Variants in BBS9 observed in about 807,000 individuals in gnomAD.
BBS9 encodes protein PTHB1.
Under a neutral mutation model 117.7 loss-of-function variants are expected in BBS9, and 89 were observed. That is an observed-to-expected ratio of 0.76 (90% CI 0.64 to 0.90). The LOEUF is 0.90. Ranked by LOEUF, BBS9 falls within the 40% of genes least tolerant of loss-of-function variation. The pLI, the probability that BBS9 is intolerant of heterozygous loss-of-function variation, is 0.00. For synonymous variants in BBS9, 379 were observed against 370.9 expected, an observed-to-expected ratio of 1.02 and a Z score of -0.25; for missense variants, 982 against 1,042.2, an observed-to-expected ratio of 0.94 and a Z score of 0.80.
intron 7 of BBS9, among the ~76,000 whole-genome samples, chr7:33,264,755 G>T (rs1422875069): frequency 6.6e-6 from 1 of 152,028 alleles, no homozygotes; most frequent in African/African-American, 2.4e-5. Context: ...CTTATCACTT[G>T]TTTGGAGCAA....
chr7:33,408,580 G>T (rs969081228), intron 19 of BBS9, among the ~76,000 whole-genome samples: 1 of 152,104 alleles, frequency 6.6e-6, no homozygotes, highest in Non-Finnish European at 1.5e-5. Context: ...GGCCATCTTG[G>T]CTCCTCCCAC....
intron 19 of BBS9, among the ~76,000 whole-genome samples, chr7:33,503,785 G>A (rs910954840): frequency 6.7e-6 from 1 of 149,470 alleles, no homozygotes; most frequent in Non-Finnish European, 1.5e-5. Context: ...ACAGGAGTCC[G>A]TTGTAATCAT....
chr7:33,427,023 GATTAC>G (rs1376529040), intron 19 of BBS9, among the ~76,000 whole-genome samples: 2 of 152,110 alleles, frequency 1.3e-5, no homozygotes, highest in Non-Finnish European at 2.9e-5. Flanking sequence ...GTTTAAGCAT[GATTAC>G]TGACCATTAT....
At chr7:33,559,758 G>A (rs575437197) in intron 21 of BBS9, among the ~76,000 whole-genome samples, 18 of 152,070 alleles carry the variant, frequency 1.2e-4, no homozygotes, top group Admixed American at 9.8e-4. Flanking sequence ...TATCTGCCAC[G>A]ACTCGTGAGT....
intron 9 of BBS9, among the ~76,000 whole-genome samples, chr7:33,302,969 A>C (rs924866464): frequency 6.6e-6 from 1 of 152,050 alleles, no homozygotes; most frequent in East Asian, 1.9e-4. Context: ...TATAGTTTTC[A>C]TTGTAGAGAT....
chr7:33,487,045 A>T (rs1409415114), intron 19 of BBS9, among the ~76,000 whole-genome samples: 2 of 152,240 alleles, frequency 1.3e-5, no homozygotes, highest in African/African-American at 4.8e-5. Flanking sequence ...CAATGCCAGT[A>T]TGAAGGAAAG....
chr7:33,224,283 A>C (rs1790825521), intron 5 of BBS9, among the ~76,000 whole-genome samples: 1 of 152,200 alleles, frequency 6.6e-6, no homozygotes, highest in South Asian at 2.1e-4. Context: ...ATAGAAGTTA[A>C]ATTAGTTACT....
At chr7:33,324,669 T>A (rs550877105) in intron 9 of BBS9, among the ~76,000 whole-genome samples, 42 of 152,200 alleles carry the variant, frequency 2.8e-4, no homozygotes, top group Non-Finnish European at 5.0e-4. Context: ...CTAGTGTTGA[T>A]GAAATCTATC....
chr7:33,366,789 C>A (rs1821852159), intron 16 of BBS9, among the ~76,000 whole-genome samples: 1 of 152,000 alleles, frequency 6.6e-6, no homozygotes, highest in East Asian at 1.9e-4. Context: ...CATGATCTGC[C>A]CACCTCGGCC....
chr7:33,250,297 G>T (rs1195100376), intron 5 of BBS9, among the ~76,000 whole-genome samples: 3 of 152,142 alleles, frequency 2.0e-5, no homozygotes, highest in African/African-American at 7.2e-5. Flanking sequence ...TTTAACAGAA[G>T]GCCAGAAATG....
At chr7:33,223,265 A>G (rs1790609286) in intron 5 of BBS9, among the ~76,000 whole-genome samples, 1 of 152,184 alleles carries the variant, frequency 6.6e-6, no homozygotes, top group African/African-American at 2.4e-5. Flanking sequence ...CAAGCTAATT[A>G]ACATATCTAT....
intron 19 of BBS9, among the ~76,000 whole-genome samples, chr7:33,391,950 C>G (rs146102125): frequency 0.01 from 1,546 of 152,240 alleles, 10 homozygotes; most frequent in Middle Eastern, 0.054. Context: ...CCTAGGAAAT[C>G]CTTCCTTATG....
At chr7:33,466,820 G>A (rs79658483) in intron 19 of BBS9, among the ~76,000 whole-genome samples, 6,840 of 152,186 alleles carry the variant, frequency 0.045, 203 homozygotes, top group East Asian at 0.15. Context: ...CCAGTGGCAT[G>A]TATTTGACCA....
At chr7:33,276,488 C>T (rs200856975) in intron 9 of BBS9, among the ~76,000 whole-genome samples, 26 of 152,226 alleles carry the variant, frequency 1.7e-4, no homozygotes, top group East Asian at 5.8e-4. Flanking sequence ...GCTCATGCTG[C>T]GGTTTAGGTT....
intron 21 of BBS9, among the ~76,000 whole-genome samples, chr7:33,543,187 T>C (rs568345038): frequency 9.2e-5 from 14 of 152,330 alleles, no homozygotes; most frequent in African/African-American, 2.9e-4. Flanking sequence ...ATTGTGGTTT[T>C]GATTTGCATT....
chr7:33,505,334 T>C (rs1052321018), intron 19 of BBS9, 129 bp from the exon 20 acceptor site: 8 of 899,826 alleles, frequency 8.9e-6, no homozygotes, highest in Non-Finnish European at 1.5e-5. Flanking sequence ...TTACTTAACA[T>C]AGCTTGTGTT....
chr7:33,171,126 A>T (rs1374832987), intron 4 of BBS9, among the ~76,000 whole-genome samples: 1 of 152,194 alleles, frequency 6.6e-6, no homozygotes, highest in Non-Finnish European at 1.5e-5. Context: ...ATGGAATGAA[A>T]AAAGAGCCCG....
chr7:33,238,652 G>C (rs1300789898), intron 5 of BBS9, among the ~76,000 whole-genome samples: 2 of 152,000 alleles, frequency 1.3e-5, no homozygotes, highest in Non-Finnish European at 2.9e-5. Context: ...TATGAAGTTT[G>C]CATTAAGAGG....
intron 5 of BBS9, among the ~76,000 whole-genome samples, chr7:33,211,521 T>G (rs556294907): frequency 2.0e-4 from 31 of 152,326 alleles, no homozygotes; most frequent in Non-Finnish European, 3.7e-4. Flanking sequence ...GCTTTTTAAC[T>G]TTTGTTGTTT....
Sources: gnomAD v4.1 joint callset for allele counts (sites outside exome capture counted in the v4.1 genomes callset) on GRCh38, gnomAD v4.1.1 for gene constraint, MANE v1.5 for transcripts, NCBI Gene and HGNC (gene_info 2026-07-23, HGNC 2026-07-21) for gene names.